Variants in PCDHA11 observed in about 807,000 individuals in gnomAD.
The protein encoded by PCDHA11 is protocadherin alpha 11.
In PCDHA11, 61 loss-of-function variants were observed where a neutral mutation model predicts 70.3. That is an observed-to-expected ratio of 0.87 (90% CI 0.71 to 1.07). The LOEUF (loss-of-function observed/expected upper bound fraction) is 1.07, where lower values mean the gene tolerates loss of function less well. Ranked by LOEUF, PCDHA11 falls within the 50% of genes least tolerant of loss-of-function variation. The pLI is 0.00. For synonymous variants in PCDHA11, 633 were observed against 555.1 expected, an observed-to-expected ratio of 1.14 and a Z score of -1.97; for missense variants, 1,324 against 1,237.5, an observed-to-expected ratio of 1.07 and a Z score of -1.05.
chr5:140,875,179 A>G, intron 1 of PCDHA11: 1 of 444,474 alleles, frequency 2.2e-6, no homozygotes, highest in East Asian at 4.2e-5. Context: ...AAACATTAGA[A>G]TTAAGAGTGA....
At chr5:140,879,396 T>C (rs2057974571) in intron 1 of PCDHA11, among the ~76,000 whole-genome samples, 1 of 152,174 alleles carries the variant, frequency 6.6e-6, no homozygotes, top group Non-Finnish European at 1.5e-5. Context: ...AAACAGTTTG[T>C]GTGTATTTGA....
intron 1 of PCDHA11, among the ~76,000 whole-genome samples, chr5:140,964,412 GC>G (rs1330052602): frequency 7.9e-5 from 12 of 152,126 alleles, no homozygotes; most frequent in African/African-American, 2.9e-4. Flanking sequence ...ACATTTGGGG[GC>G]TTCCATTAAA....
Position 140,870,219 on chromosome 5 carries a change from CG to C in PCDHA11, c.1117del (p.Val373CysfsTer12). On this transcript the variant is annotated frameshift_variant, in exon 1 of 4. Coordinates refer to ENST00000398640, the MANE Select transcript of PCDHA11 (RefSeq NM_018902.5). LOFTEE classifies it high-confidence loss of function. ...QPSTVIALIS[V>X]SDRDSGVNGQ... is the part of the protein sequence containing the mutation. ...CCAGCACGGTCATTGCCCTGATCAG[CG>C]TGTCTGACCGTGACTCAGGTGTCAA... 6.2e-7 allele frequency: 1 copy of C among 1,614,152 alleles called. No individual in the cohort carries two copies.
intron 1 of PCDHA11, chr5:140,928,751 C>T (rs1387564129): frequency 6.2e-7 from 1 of 1,614,180 alleles, no homozygotes; most frequent in Non-Finnish European, 8.5e-7. Flanking sequence ...GAGCTCCGTA[C>T]TGCTCGCTTA....
In PCDHA11 at chr5:140,869,581, GC is replaced by G; in HGVS notation, c.479del (p.Ala160ValfsTer9). 6.2e-7 allele frequency: 1 copy of G among 1,614,134 alleles called. No individual in the cohort carries two copies. Among genetic ancestry groups the G allele is most frequent in the Non-Finnish European group, 8.5e-7 (1 of 1,180,032 alleles). On this transcript the variant is annotated frameshift_variant, in exon 1 of 4. Transcript: ENST00000398640. LOFTEE classifies it high-confidence loss of function. ...SRFPLEGASDADIEENALLTY... is the reference protein window; with the variant it reads ...SRFPLEGASDXDIEENALLTY... ...TTTTCCACTAGAGGGAGCTTCTGAT[GC>G]TGACATTGAAGAGAATGCTCTATTG...
At position 141,009,622 on chromosome 5, in the gene PCDHA11, T is replaced by C. The variant is rs782517998; in HGVS notation, c.2540-5T>C. On this transcript the variant is annotated splice_region_variant and splice_polypyrimidine_tract_variant and intron_variant, in intron 3 of 3. Coordinates refer to ENST00000398640, the MANE Select transcript of PCDHA11 (RefSeq NM_018902.5). ...GTTAATGATTTGTAATGTTTTGTCT[T>C]TCAGAACCAGAGGCAGGAGAAGTGT... is the stretch of plus-strand genomic sequence containing the variant. 6.2e-7 allele frequency: 1 copy of C among 1,612,598 alleles called. No homozygotes were observed.
chr5:140,938,092 A>G (rs1255638035), intron 1 of PCDHA11, among the ~76,000 whole-genome samples: 4 of 152,034 alleles, frequency 2.6e-5, no homozygotes, highest in African/African-American at 9.7e-5. Context: ...TAGTTTTATT[A>G]TTGTATTTTT....
chr5:140,874,901 T>G (rs896201686), intron 1 of PCDHA11, among the ~76,000 whole-genome samples: 2 of 152,208 alleles, frequency 1.3e-5, no homozygotes, highest in Admixed American at 1.3e-4. Context: ...TCTAAAATCT[T>G]ACGATGGAGT....
intron 1 of PCDHA11, chr5:140,928,747 C>T (rs781895762): frequency 2.5e-6 from 4 of 1,614,132 alleles, no homozygotes; most frequent in African/African-American, 2.7e-5. Context: ...AGGTGAGCTC[C>T]GTACTGCTCG....
intron 1 of PCDHA11, among the ~76,000 whole-genome samples, chr5:140,964,646 G>A (rs1554227128): frequency 6.6e-6 from 1 of 152,004 alleles, no homozygotes; most frequent in African/African-American, 2.4e-5. Context: ...TCAGAAACAA[G>A]TAATGGGTGA....
In PCDHA11 at chr5:140,882,368, T is replaced by C. The variant is rs781902519; in HGVS notation, c.2391+10874T>C. On this transcript the variant is annotated intron_variant, in intron 1 of 3. Transcript: ENST00000398640. ...GACGGGTAGTGGCCAGCTCCACTAC[T>C]CCGTCCCCGAGGAAGCAAAACACGG... 1.9e-6 allele frequency: 3 copies of C among 1,614,218 alleles called. No individual in the cohort carries two copies. The South Asian group carries it at 3.3e-5, about 18-fold the overall frequency.
At position 140,928,737 on chromosome 5, in the gene PCDHA11, A is replaced by G. The variant is rs140056024; in HGVS notation, c.2392-50212A>G. On this transcript the variant is annotated intron_variant, in intron 1 of 3. Coordinates refer to ENST00000398640, the MANE Select transcript of PCDHA11 (RefSeq NM_018902.5). ...GTCTCTTTAGAATTTCAGCCAATAT[A>G]GGTGAGCTCCGTACTGCTCGCTTAG... is the stretch of plus-strand genomic sequence containing the variant. 5.6e-6 allele frequency: 9 copies of G among 1,614,000 alleles called. No homozygotes were observed. In the African/African-American group the frequency reaches 8.0e-5, roughly 14 times the overall value.
intron 1 of PCDHA11, among the ~76,000 whole-genome samples, chr5:140,902,858 C>T (rs1275375548): frequency 6.6e-6 from 1 of 152,110 alleles, no homozygotes; most frequent in African/African-American, 2.4e-5. Context: ...AAATGGCGTC[C>T]AGGTCCACCC....
At chr5:140,900,369 CTGGGT>C (rs1554189090) in intron 1 of PCDHA11, among the ~76,000 whole-genome samples, 2 of 152,158 alleles carry the variant, frequency 1.3e-5, no homozygotes, top group Non-Finnish European at 2.9e-5. Flanking sequence ...CCTCTGCCTC[CTGGGT>C]TCAAGCGATT....
chr5:140,933,130 AAGGTAGAT>A (rs1554209200), intron 1 of PCDHA11, among the ~76,000 whole-genome samples: 1 of 151,994 alleles, frequency 6.6e-6, no homozygotes, highest in East Asian at 1.9e-4. Context: ...CTAAATAATA[AAGGTAGAT>A]AGCCACTCAT....
At chr5:140,875,265 T>G in intron 1 of PCDHA11, 1 of 1,201,060 alleles carries the variant, frequency 8.3e-7, no homozygotes, top group Non-Finnish European at 1.1e-6. Context: ...GATGTCGCTC[T>G]ACACTCAGAA....
At chr5:140,906,092 A>G (rs985090106) in intron 1 of PCDHA11, among the ~76,000 whole-genome samples, 2 of 152,140 alleles carry the variant, frequency 1.3e-5, no homozygotes, top group Non-Finnish European at 2.9e-5. Context: ...GACTGAGAGT[A>G]AGTGTGTCTT....
intron 1 of PCDHA11, chr5:140,875,158 AC>A: frequency 3.0e-6 from 1 of 338,826 alleles, no homozygotes; most frequent in East Asian, 5.5e-5. Flanking sequence ...GTGAAAAATA[AC>A]CCAAAGTCGA....
At chr5:140,929,457 G>A (rs975305297) in intron 1 of PCDHA11, 25 of 1,362,276 alleles carry the variant, frequency 1.8e-5, no homozygotes, top group Non-Finnish European at 2.4e-5. Flanking sequence ...AGCACTTCCT[G>A]TGCCAAGAAA....
Sources: allele counts gnomAD v4.1 joint callset (sites outside exome capture counted in the v4.1 genomes callset), GRCh38; gene constraint gnomAD v4.1.1; transcripts MANE v1.5; gene names NCBI Gene and HGNC (gene_info 2026-07-23, HGNC 2026-07-21).